Variants in CMPK1 observed in about 807,000 individuals in gnomAD.
CMPK1 encodes the protein cytidine/uridine monophosphate kinase 1.
In CMPK1, 10 loss-of-function variants were observed where a neutral mutation model predicts 25.7. The ratio of observed to expected loss-of-function variants is 0.39; its 90% CI spans 0.24 to 0.66. CMPK1 has a LOEUF of 0.66. Among genes scored for constraint, CMPK1 ranks in the 30% least tolerant of loss-of-function variants. The pLI, the probability that CMPK1 is intolerant of heterozygous loss-of-function variation, is 0.48. For missense variants in CMPK1, 199 were observed against 280.5 expected (o/e 0.71, Z 2.08); for synonymous variants, 106 against 101.5 (o/e 1.04, Z -0.27).
chr1:47,375,072 A>G (rs1646698762), intron 4 of CMPK1, 87 bp downstream of exon 4: 1 of 1,311,072 alleles, frequency 7.6e-7, no homozygotes, highest in Non-Finnish European at 1.1e-6. Flanking sequence ...TTAAACATGT[A>G]AAATGGCTTG....
At position 47,337,462 on chromosome 1, in the gene CMPK1, A is replaced by G. The variant is rs147976620; in HGVS notation, c.171+3346A>G. On this transcript the variant is annotated intron_variant, in intron 1 of 5. Coordinates refer to ENST00000371873, the MANE Select transcript of CMPK1 (RefSeq NM_016308.3). ...TTATATTATTAAGATTTCAACAATTATTTGACCTTAAACTGTTATCTTCTT... is the reference window on the plus strand; with the variant it reads ...TTATATTATTAAGATTTCAACAATTGTTTGACCTTAAACTGTTATCTTCTT... Among the ~76,000 whole-genome samples, 7 of 152,278 alleles carry G rather than the reference A, an allele frequency of 4.6e-5. No individual in the cohort carries two copies. In the East Asian group the frequency reaches 1.3e-3, roughly 29 times the overall value.
In CMPK1 at chr1:47,374,938, A is replaced by G; in HGVS notation, c.501A>G (p.Gly167=). ...GTATTGAACGATGTCTTGAGAGGGG[A>G]AAGAGTAGTGGTAGGAGTGATGACA... ...EICIERCLER[G]KSSGRSDDNR... Residue 167 remains glycine (G), a synonymous_variant, in exon 4 of 6, where the codon GGA becomes GGG. Transcript: ENST00000371873. 2 of 1,613,072 alleles carry G rather than the reference A, an allele frequency of 1.2e-6. No individual in the cohort carries two copies. Among genetic ancestry groups the G allele is most frequent in the Non-Finnish European group, 1.7e-6 (2 of 1,179,432 alleles).
intron 1 of CMPK1, among the ~76,000 whole-genome samples, chr1:47,348,105 G>A (rs777242220): frequency 3.3e-5 from 5 of 152,162 alleles, no homozygotes; most frequent in Admixed American, 6.6e-5. Flanking sequence ...CAAAAGTCAC[G>A]TAGGAGTACA....
chr1:47,365,633 CAA>C (rs10623948), intron 1 of CMPK1, among the ~76,000 whole-genome samples: 7 of 108,408 alleles, frequency 6.5e-5, no homozygotes, highest in Admixed American at 1.0e-4. Flanking sequence ...GACCCTGTCT[CAA>C]AAAAAAAAAA....
At chr1:47,361,934 G>A (rs1475899033) in intron 1 of CMPK1, among the ~76,000 whole-genome samples, 1 of 147,496 alleles carries the variant, frequency 6.8e-6, no homozygotes, top group Non-Finnish European at 1.5e-5. Flanking sequence ...GCAATGGCGC[G>A]ATCTTGGCTC....
At chr1:47,371,541 T>C (rs1646678039) in intron 2 of CMPK1, among the ~76,000 whole-genome samples, 1 of 152,248 alleles carries the variant, frequency 6.6e-6, no homozygotes, top group African/African-American at 2.4e-5. Flanking sequence ...CTTTGTTCTT[T>C]ATGACAGCGT....
At chr1:47,343,604 T>G (rs1006447362) in intron 1 of CMPK1, among the ~76,000 whole-genome samples, 2 of 151,830 alleles carry the variant, frequency 1.3e-5, no homozygotes, top group South Asian at 4.2e-4. Context: ...TGATATTGGT[T>G]GTTGAGTTGA....
rs185104956 is a variant in CMPK1 at position 47,353,581 on chromosome 1, T to C, written c.172-14888T>C. Among the ~76,000 whole-genome samples, 713 of 152,206 alleles carry C rather than the reference T, an allele frequency of 4.7e-3. 3 individuals are homozygous for C. The highest frequency in any genetic ancestry group is 8.0e-3 in the Non-Finnish European group (541 of 68,006). ...TTTGATTGTGCAGGTACTGTTTCCC[T>C]TTTTTTTAATACCATATGGTGGTTT... On this transcript the variant is annotated intron_variant, in intron 1 of 5. Transcript: ENST00000371873.
chr1:47,343,619 G>C (rs1043956805), intron 1 of CMPK1, among the ~76,000 whole-genome samples: 2 of 151,988 alleles, frequency 1.3e-5, no homozygotes, highest in Non-Finnish European at 2.9e-5. Flanking sequence ...AGTTGAGTCA[G>C]AAGACGCAGA....
chr1:47,374,456 T>A (rs1646695355), intron 3 of CMPK1, among the ~76,000 whole-genome samples: 3 of 152,230 alleles, frequency 2.0e-5, no homozygotes, highest in Non-Finnish European at 4.4e-5. Context: ...CACAGCTTTA[T>A]AACAAGGAAT....
intron 3 of CMPK1, among the ~76,000 whole-genome samples, chr1:47,373,871 A>G (rs544835745): frequency 6.6e-6 from 1 of 152,336 alleles, no homozygotes; most frequent in African/African-American, 2.4e-5. Context: ...AAAAAAGTAA[A>G]AAAATGTACT....
intron 2 of CMPK1, among the ~76,000 whole-genome samples, chr1:47,369,885 C>T (rs1646665171): frequency 2.1e-5 from 3 of 144,524 alleles, no homozygotes; most frequent in Non-Finnish European, 3.0e-5. Flanking sequence ...TTTAAATAAA[C>T]CTCTTTCTTT....
chr1:47,344,076 A>G (rs1161742089), intron 1 of CMPK1, among the ~76,000 whole-genome samples: 2 of 152,050 alleles, frequency 1.3e-5, no homozygotes, highest in East Asian at 1.9e-4. Flanking sequence ...TTAAAAAAAA[A>G]AAAAAGACGA....
chr1:47,362,327 G>A (rs1308838349), intron 1 of CMPK1, among the ~76,000 whole-genome samples: 3 of 149,290 alleles, frequency 2.0e-5, no homozygotes, highest in East Asian at 2.0e-4. Context: ...ACACCACCAC[G>A]CCCGGCTAAT....
intron 1 of CMPK1, among the ~76,000 whole-genome samples, chr1:47,349,971 A>AT (rs1048448176): frequency 3.9e-5 from 6 of 151,978 alleles, no homozygotes; most frequent in Admixed American, 3.9e-4. Flanking sequence ...CGCCCAGCTA[A>AT]TTTTTTGTAT....
At chr1:47,335,246 C>T (rs1646387853) in intron 1 of CMPK1, among the ~76,000 whole-genome samples, 2 of 152,166 alleles carry the variant, frequency 1.3e-5, no homozygotes, top group Admixed American at 6.5e-5. Flanking sequence ...ATGTTCATAA[C>T]AATCAACTCC....
intron 2 of CMPK1, among the ~76,000 whole-genome samples, chr1:47,369,835 G>A (rs1271132354): frequency 6.7e-6 from 1 of 148,960 alleles, no homozygotes; most frequent in Non-Finnish European, 1.5e-5. Flanking sequence ...GCTGGGATTA[G>A]AGGTGTGAGC....
intron 2 of CMPK1, among the ~76,000 whole-genome samples, chr1:47,372,621 T>C (rs1467068083): frequency 1.3e-5 from 2 of 152,158 alleles, no homozygotes; most frequent in East Asian, 3.9e-4. Context: ...TTTATAACTT[T>C]GTGAATGTGT....
intron 1 of CMPK1, among the ~76,000 whole-genome samples, chr1:47,334,573 C>T (rs1280286231): frequency 6.6e-6 from 1 of 152,224 alleles, no homozygotes; most frequent in Admixed American, 6.5e-5. Context: ...CGCCTTCCCT[C>T]TGGTTCCCTA....
Sources: allele counts gnomAD v4.1 joint callset (sites outside exome capture counted in the v4.1 genomes callset), GRCh38; gene constraint gnomAD v4.1.1; transcripts MANE v1.5; gene names NCBI Gene and HGNC (gene_info 2026-07-23, HGNC 2026-07-21).